PTPRO: variants seen among roughly 807,000 people sequenced by gnomAD.
PTPRO encodes the protein receptor-type tyrosine-protein phosphatase O.
A neutral mutation model predicts 145.2 loss-of-function variants in PTPRO; 62 were observed. The observed-to-expected ratio is 0.43, with a 90% confidence interval of 0.35 to 0.53. The LOEUF is 0.53. Among genes scored for constraint, PTPRO ranks in the 20% least tolerant of loss-of-function variants. The pLI is 0.01. For synonymous variants in PTPRO, 565 were observed against 514.7 expected (o/e 1.10, Z -1.32); for missense variants, 1,345 against 1,482.7 (o/e 0.91, Z 1.53).
Position 15,501,616 on chromosome 12 carries a change from AC to A in PTPRO, c.662-3del. The A allele has an allele frequency of 6.2e-7, 1 of 1,610,178 alleles. No individual in the cohort carries two copies. ...CTTGAAAATGAAAATTCTCTCTCTT[AC>A]AGCCCCTTATCCACCTCAAAATATT... On this transcript the variant is annotated splice_region_variant and splice_polypyrimidine_tract_variant and intron_variant, in intron 4 of 26. Transcript: ENST00000281171.
At chr12:15,480,216 T>C (rs1195783890) in intron 1 of PTPRO, among the ~76,000 whole-genome samples, 1 of 152,212 alleles carries the variant, frequency 6.6e-6, no homozygotes, top group African/African-American at 2.4e-5. Context: ...TTATTAAGTA[T>C]AGTAATAATA....
At chr12:15,501,534 C>A in intron 4 of PTPRO, 86 bp from the exon 5 acceptor site, 1 of 1,225,578 alleles carries the variant, frequency 8.2e-7, no homozygotes, top group Non-Finnish European at 1.2e-6. Flanking sequence ...TAAAAATCTG[C>A]TTGTGTACCT....
chr12:15,476,885 A>C (rs1326405352), intron 1 of PTPRO, among the ~76,000 whole-genome samples: 1 of 95,860 alleles, frequency 1.0e-5, no homozygotes, highest in African/African-American at 4.0e-5. Context: ...AAATAGGAAC[A>C]CTTTTACACT....
intron 1 of PTPRO, among the ~76,000 whole-genome samples, chr12:15,447,633 G>C (rs1156649584): frequency 6.6e-6 from 1 of 152,154 alleles, no homozygotes; most frequent in East Asian, 1.9e-4. Context: ...CATGATGGAT[G>C]CATTCAAACA....
At chr12:15,450,513 C>G (rs183165307) in intron 1 of PTPRO, among the ~76,000 whole-genome samples, 1 of 152,312 alleles carries the variant, frequency 6.6e-6, no homozygotes, top group East Asian at 1.9e-4. Context: ...GTGGCTCATG[C>G]CTGTAATCCC....
At chr12:15,424,705 CT>C (rs1275293538) in intron 1 of PTPRO, among the ~76,000 whole-genome samples, 2 of 151,970 alleles carry the variant, frequency 1.3e-5, no homozygotes, top group African/African-American at 4.8e-5. Context: ...TGAGCTGAGT[CT>C]TAAAAATGCA....
chr12:15,426,858 T>C (rs980256488), intron 1 of PTPRO, among the ~76,000 whole-genome samples: 3 of 152,060 alleles, frequency 2.0e-5, no homozygotes, highest in Admixed American at 2.0e-4. Context: ...GCATTTTTAT[T>C]TGCTCAATCT....
At chr12:15,562,235 A>G (rs1290706162) in intron 17 of PTPRO, among the ~76,000 whole-genome samples, 1 of 152,116 alleles carries the variant, frequency 6.6e-6, no homozygotes, top group African/African-American at 2.4e-5. Flanking sequence ...CGCTCGTGGA[A>G]ATACAGCTTC....
At chr12:15,355,688 G>A (rs1239047484) in intron 1 of PTPRO, among the ~76,000 whole-genome samples, 2 of 152,198 alleles carry the variant, frequency 1.3e-5, no homozygotes, top group Non-Finnish European at 2.9e-5. Flanking sequence ...CCATTTTAAT[G>A]TGATATTCCT....
At chr12:15,349,893 G>A (rs2136229626) in intron 1 of PTPRO, among the ~76,000 whole-genome samples, 1 of 152,236 alleles carries the variant, frequency 6.6e-6, no homozygotes, top group East Asian at 1.9e-4. Flanking sequence ...TTGGATTTGA[G>A]TTCTAGGGGA....
chr12:15,438,674 A>T (rs1453393286), intron 1 of PTPRO, among the ~76,000 whole-genome samples: 1 of 152,046 alleles, frequency 6.6e-6, no homozygotes, highest in Non-Finnish European at 1.5e-5. Flanking sequence ...GAAGAATTTT[A>T]AAAATGAGCA....
chr12:15,496,898 T>G (rs187631279), intron 2 of PTPRO, among the ~76,000 whole-genome samples: 1 of 152,224 alleles, frequency 6.6e-6, no homozygotes, highest in African/African-American at 2.4e-5. Flanking sequence ...CAGACTGTCA[T>G]GTACTTGTTA....
intron 1 of PTPRO, among the ~76,000 whole-genome samples, chr12:15,406,849 T>C (rs766490861): frequency 1.3e-5 from 2 of 152,154 alleles, no homozygotes; most frequent in Admixed American, 1.3e-4. Context: ...AAAACAACAA[T>C]ACGAGAACAA....
chr12:15,563,736 C>T (rs1289129481), intron 17 of PTPRO, among the ~76,000 whole-genome samples: 2 of 152,144 alleles, frequency 1.3e-5, no homozygotes, highest in Admixed American at 6.6e-5. Flanking sequence ...TATTTCAGCA[C>T]TGAATTTATT....
chr12:15,485,942 G>A, intron 2 of PTPRO, among the ~76,000 whole-genome samples: 1 of 152,102 alleles, frequency 6.6e-6, no homozygotes, highest in East Asian at 1.9e-4. Flanking sequence ...TATTTTATAT[G>A]ATTTCTTTTA....
At chr12:15,412,092 T>C (rs961563039) in intron 1 of PTPRO, among the ~76,000 whole-genome samples, 1 of 152,210 alleles carries the variant, frequency 6.6e-6, no homozygotes, top group African/African-American at 2.4e-5. Flanking sequence ...AAAATGTCCT[T>C]GGGATCATTC....
intron 2 of PTPRO, among the ~76,000 whole-genome samples, chr12:15,488,054 A>G (rs975318573): frequency 2.0e-5 from 3 of 152,086 alleles, no homozygotes; most frequent in African/African-American, 7.2e-5. Context: ...AATTCACATC[A>G]CTTGGTTCAC....
rs558088685 is a variant in PTPRO, at chr12:15,440,112, C to G, written c.76-43862C>G. ...AGCTCTGTGCTGGTGCACCTCATCC[C>G]TGAGTCCAGGAACATTGGCATCATC... On this transcript the variant is annotated intron_variant, in intron 1 of 26. Transcript: ENST00000281171. The G allele has an allele frequency of 4.7e-6, 3 of 635,264 alleles. No individual in the cohort carries two copies. The South Asian group carries it at 5.1e-5, about 11-fold the overall frequency. 39.4% of individuals were successfully genotyped at this position (635,264 alleles called of 1,614,324 possible). A position where few individuals can be genotyped will look rare whatever the true frequency, so the allele number is the denominator to read the frequency against.
At chr12:15,396,458 T>A (rs958042722) in intron 1 of PTPRO, among the ~76,000 whole-genome samples, 1 of 151,190 alleles carries the variant, frequency 6.6e-6, no homozygotes, top group Non-Finnish European at 1.5e-5. Context: ...AAAATTAAAT[T>A]GGAGTTATTG....
Sources: allele counts gnomAD v4.1 joint callset (sites outside exome capture counted in the v4.1 genomes callset), GRCh38; gene constraint gnomAD v4.1.1; transcripts MANE v1.5; gene names NCBI Gene and HGNC (gene_info 2026-07-23, HGNC 2026-07-21).